The following BANK1 variants were observed in gnomAD, a reference collection of about 807,000 sequenced individuals.
BANK1 encodes B cell scaffold protein with ankyrin repeats 1.
Under a neutral mutation model 94.5 loss-of-function variants are expected in BANK1, and 95 were observed. The ratio of observed to expected loss-of-function variants is 1.00; its 90% CI spans 0.85 to 1.19. The LOEUF is 1.19. Ranked by LOEUF, BANK1 falls within the 50% of genes most tolerant of loss-of-function variation. The pLI is 0.00. For missense variants in BANK1, 987 were observed against 932.2 expected (o/e 1.06, Z -0.77); for synonymous variants, 334 against 308.4 (o/e 1.08, Z -0.87).
intron 10 of BANK1, among the ~76,000 whole-genome samples, chr4:102,038,890 G>A (rs1186841466): frequency 6.6e-6 from 1 of 152,112 alleles, no homozygotes; most frequent in Non-Finnish European, 1.5e-5. Flanking sequence ...ATCAAACCAA[G>A]TTTTTGTTAC....
chr4:101,866,467 T>C (rs1728069601), intron 4 of BANK1, among the ~76,000 whole-genome samples: 1 of 151,886 alleles, frequency 6.6e-6, no homozygotes. Context: ...TAATGACAGA[T>C]CAAAATACAG....
chr4:101,946,133 A>G (rs571754806), intron 7 of BANK1, among the ~76,000 whole-genome samples: 47 of 152,136 alleles, frequency 3.1e-4, no homozygotes, highest in African/African-American at 1.1e-3. Flanking sequence ...ACATAATCCA[A>G]TAATAAACAC....
rs555152581 is a variant in BANK1, at chr4:101,986,110, C to A, written c.1207-35404C>A. 4.6e-5 allele frequency among the ~76,000 whole-genome samples: 7 copies of A among 152,182 alleles called. No homozygotes were observed. The East Asian group carries it at 1.2e-3, about 25-fold the overall frequency. On this transcript the variant is annotated intron_variant, in intron 7 of 16. Coordinates refer to ENST00000322953, the MANE Select transcript of BANK1 (RefSeq NM_017935.5). ...CAAAACTCTCTTACTGATCCATAAA[C>A]AAGTAATTTAAAGTGCTCCAGTGAA... is the stretch of plus-strand genomic sequence containing the variant.
At chr4:101,873,117 T>A (rs1380029587) in intron 5 of BANK1, among the ~76,000 whole-genome samples, 4 of 49,486 alleles carry the variant, frequency 8.1e-5, no homozygotes, top group South Asian at 4.7e-4. Flanking sequence ...TACTCAGCCA[T>A]TTTTTTTAAG....
At chr4:102,007,070 A>T (rs1413233826) in intron 7 of BANK1, among the ~76,000 whole-genome samples, 1 of 97,132 alleles carries the variant, frequency 1.0e-5, no homozygotes, top group Non-Finnish European at 2.3e-5. Context: ...ATATAATTTT[A>T]TATATATATA....
At chr4:101,991,822 TGTA>T (rs1466844118) in intron 7 of BANK1, among the ~76,000 whole-genome samples, 1 of 152,244 alleles carries the variant, frequency 6.6e-6, no homozygotes, top group Non-Finnish European at 1.5e-5. Context: ...CACATACGTG[TGTA>T]TTTGCACATA....
At chr4:101,976,242 C>T (rs1385669768) in intron 7 of BANK1, among the ~76,000 whole-genome samples, 2 of 152,030 alleles carry the variant, frequency 1.3e-5, no homozygotes, top group Non-Finnish European at 2.9e-5. Context: ...TACTTCAATG[C>T]CACAGGGAAA....
chr4:101,810,086 GA>G (rs988195597), intron 1 of BANK1, among the ~76,000 whole-genome samples: 10 of 152,206 alleles, frequency 6.6e-5, no homozygotes, highest in African/African-American at 2.4e-4. Context: ...GGCAGCATGA[GA>G]AGGACTTGGC....
intron 10 of BANK1, among the ~76,000 whole-genome samples, chr4:102,034,157 T>C (rs1727419510): frequency 6.6e-6 from 1 of 152,174 alleles, no homozygotes; most frequent in Non-Finnish European, 1.5e-5. Flanking sequence ...AAAAATGGTA[T>C]CAGTATATTG....
chr4:101,812,534 A>G (rs1423137582), intron 1 of BANK1, among the ~76,000 whole-genome samples: 5 of 151,972 alleles, frequency 3.3e-5, no homozygotes, highest in African/African-American at 9.7e-5. Context: ...TTATTTTTAT[A>G]TATTCTTGAC....
At chr4:101,998,704 T>C (rs1295319313) in intron 7 of BANK1, among the ~76,000 whole-genome samples, 5 of 152,184 alleles carry the variant, frequency 3.3e-5, no homozygotes, top group Non-Finnish European at 7.4e-5. Flanking sequence ...TGGTCTAAAG[T>C]CCATTTTATC....
chr4:101,839,268 G>A (rs759373488), intron 2 of BANK1, among the ~76,000 whole-genome samples: 1 of 152,030 alleles, frequency 6.6e-6, no homozygotes, highest in Non-Finnish European at 1.5e-5. Flanking sequence ...TAATAGAAGG[G>A]TTGAAATTAC....
intron 13 of BANK1, among the ~76,000 whole-genome samples, chr4:102,066,295 C>T (rs552744479): frequency 2.0e-5 from 3 of 150,096 alleles, no homozygotes; most frequent in Admixed American, 6.6e-5. Flanking sequence ...CTCGCTCTGT[C>T]GCCCAGGCTG....
At chr4:101,983,386 C>G (rs767951959) in intron 7 of BANK1, among the ~76,000 whole-genome samples, 1 of 152,004 alleles carries the variant, frequency 6.6e-6, no homozygotes, top group Non-Finnish European at 1.5e-5. Context: ...GTCTTTACCA[C>G]GTAGTAGCTG....
chr4:102,069,316 G>A (rs998188588), intron 13 of BANK1, among the ~76,000 whole-genome samples: 7 of 152,186 alleles, frequency 4.6e-5, no homozygotes, highest in Non-Finnish European at 7.3e-5. Flanking sequence ...GCATCAAGGA[G>A]CACATCTAGT....
intron 1 of BANK1, among the ~76,000 whole-genome samples, chr4:101,792,357 T>C (rs1725019142): frequency 6.7e-6 from 1 of 150,288 alleles, no homozygotes; most frequent in African/African-American, 2.4e-5. Flanking sequence ...ATGAAACTTT[T>C]CTAAAAACGA....
At chr4:102,053,426 T>C (rs949568272) in intron 11 of BANK1, among the ~76,000 whole-genome samples, 1 of 152,080 alleles carries the variant, frequency 6.6e-6, no homozygotes, top group African/African-American at 2.4e-5. Flanking sequence ...CAGAATCCAT[T>C]AAAAAATTAG....
chr4:102,030,799 A>G (rs1047715775), intron 10 of BANK1, among the ~76,000 whole-genome samples: 16 of 152,116 alleles, frequency 1.1e-4, no homozygotes, highest in African/African-American at 3.9e-4. Context: ...ATAGTATTCC[A>G]TGGTGTATAT....
rs576456631 is a variant in BANK1 at position 102,060,574 on chromosome 4, G to A, written c.2148+185G>A. 8.8e-4 allele frequency among the ~76,000 whole-genome samples: 134 copies of A among 152,256 alleles called. 2 individuals carry two copies. In the South Asian group the frequency reaches 0.026, roughly 30 times the overall value. ...CAGATATTATGTTCACCAGCCATTG[G>A]TGAAGTCAATCCTCTAACCCAGTAT... is the stretch of plus-strand genomic sequence containing the variant. On this transcript the variant is annotated intron_variant, in intron 12 of 16. Coordinates refer to ENST00000322953, the MANE Select transcript of BANK1 (RefSeq NM_017935.5).
Sources: gnomAD v4.1 joint callset for allele counts (sites outside exome capture counted in the v4.1 genomes callset) on GRCh38, gnomAD v4.1.1 for gene constraint, MANE v1.5 for transcripts, NCBI Gene and HGNC (gene_info 2026-07-23, HGNC 2026-07-21) for gene names.